Variants in ATP2C1 observed in about 807,000 individuals in gnomAD.
ATP2C1 encodes calcium-transporting ATPase type 2C member 1.
In ATP2C1, 31 loss-of-function variants were observed where a neutral mutation model predicts 120.5. The observed-to-expected ratio is 0.26, with a 90% CI of 0.19 to 0.35. The LOEUF (loss-of-function observed/expected upper bound fraction) is 0.35, where lower values mean the gene tolerates loss of function less well. ATP2C1 is among the 10% of genes least tolerant of loss of function. The pLI is 1.00. For missense variants in ATP2C1, 731 were observed against 1,107.5 expected (o/e 0.66, Z 4.83); for synonymous variants, 351 against 358.7 (o/e 0.98, Z 0.24).
intron 26 of ATP2C1, chr3:131,015,987 C>CA (rs777789460): frequency 1.1e-6 from 1 of 893,798 alleles, no homozygotes; most frequent in South Asian, 1.5e-5. Flanking sequence ...TCCAGCTCTT[C>CA]AGCTGTAACA....
At position 130,934,724 on chromosome 3, in the gene ATP2C1, T is replaced by A. The variant is rs759054987; in HGVS notation, c.324+13T>A. 2.6e-6 allele frequency: 4 copies of A among 1,534,338 alleles called. No individual in the cohort carries two copies. The highest frequency in any genetic ancestry group is 3.6e-6 in the Non-Finnish European group (4 of 1,108,210). ...CAGTATCACTGTGGTAAGAAAAAAATTACATATTTTTAATCTGTTGAGTAA... is the reference window on the plus strand; with the variant it reads ...CAGTATCACTGTGGTAAGAAAAAAAATACATATTTTTAATCTGTTGAGTAA... On this transcript the variant is annotated intron_variant, in intron 5 of 27. Coordinates refer to ENST00000510168, the MANE Select transcript of ATP2C1 (RefSeq NM_001378687.1).
chr3:131,009,352 T>C (rs1470545373), intron 26 of ATP2C1, among the ~76,000 whole-genome samples: 1 of 152,176 alleles, frequency 6.6e-6, no homozygotes, highest in Non-Finnish European at 1.5e-5. Flanking sequence ...TATACATAAA[T>C]ATAAAAATAT....
chr3:130,953,920 G>A lies in ATP2C1; in HGVS notation c.631G>A (p.Ala211Thr). ...GCCAGCTGCAACTAATGGAGATCTT[G>A]CATCGAGAAGTAACATTGCCTTTAT... ...PQPAATNGDL[A>T]SRSNIAFMGT... The change falls in exon 9 of 28, where the codon GCA becomes ACA. Residue 211 changes from alanine to threonine, a missense_variant. By Grantham distance (58) the Ala-to-Thr change is moderately conservative. Transcript: ENST00000510168. The A allele has an allele frequency of 6.2e-7, 1 of 1,614,068 alleles. No individual in the cohort carries two copies. The highest frequency in any genetic ancestry group is 8.5e-7 in the Non-Finnish European group (1 of 1,179,970).
intron 13 of ATP2C1, 68 bp downstream of exon 13, chr3:130,964,163 G>A (rs537930663): frequency 1.3e-6 from 2 of 1,548,208 alleles, no homozygotes; most frequent in African/African-American, 1.3e-5. Context: ...AATCATCTCA[G>A]AGTTTTACAG....
upstream of ATP2C1, among the ~76,000 whole-genome samples, chr3:130,893,113 TTA>T (rs1473640632): frequency 1.3e-5 from 2 of 152,178 alleles, no homozygotes; most frequent in African/African-American, 2.4e-5. Context: ...CTGTTCAACA[TTA>T]TATGTCTGGC....
chr3:131,007,149 A>C (rs2063146986), downstream of ATP2C1, among the ~76,000 whole-genome samples: 1 of 152,218 alleles, frequency 6.6e-6, no homozygotes, highest in African/African-American at 2.4e-5. Flanking sequence ...AAGTGAAAAC[A>C]ATTATTTGAG....
chr3:130,949,757 G>C (rs541504708), intron 8 of ATP2C1, among the ~76,000 whole-genome samples: 1 of 114,890 alleles, frequency 8.7e-6, no homozygotes, highest in East Asian at 2.1e-4. Context: ...GTTTGGCTTT[G>C]AGTGTTAGTA....
At chr3:130,953,747 G>T (rs2060468601) in intron 8 of ATP2C1, 74 bp from the exon 9 acceptor site, 1 of 1,489,358 alleles carries the variant, frequency 6.7e-7, no homozygotes, top group Admixed American at 1.7e-5. Context: ...AGGAAGAAGT[G>T]ATGATGGTTA....
At position 130,932,150 on chromosome 3, in the gene ATP2C1, T is replaced by C. The variant is rs766034532; in HGVS notation, c.234+12T>C. 15 of 1,430,712 alleles carry C rather than the reference T, an allele frequency of 1.0e-5. No individual in the cohort carries two copies. The highest frequency in any genetic ancestry group is 1.4e-5 in the Non-Finnish European group (14 of 1,013,110). The allele number at this position is 1,430,712 out of a possible 1,614,324, so 88.6% of individuals were successfully genotyped here. A position where few individuals can be genotyped will look rare whatever the true frequency, so the allele number is the denominator to read the frequency against. On this transcript the variant is annotated intron_variant, in intron 4 of 27. Coordinates refer to ENST00000510168, the MANE Select transcript of ATP2C1 (RefSeq NM_001378687.1). Reference sequence around the variant, plus strand: ...AGTATATTTCTCAGGTGAGATACTTTTACTTCCTCTTCTACTGTGTAATTT... The same window carrying C: ...AGTATATTTCTCAGGTGAGATACTTCTACTTCCTCTTCTACTGTGTAATTT...
intron 8 of ATP2C1, among the ~76,000 whole-genome samples, chr3:130,942,327 T>C (rs1240935680): frequency 6.6e-6 from 1 of 152,208 alleles, no homozygotes; most frequent in African/African-American, 2.4e-5. Flanking sequence ...GGTTAGGAGT[T>C]ACCTTTTGAG....
intron 2 of ATP2C1, among the ~76,000 whole-genome samples, chr3:130,920,988 G>T (rs971232925): frequency 2.6e-5 from 4 of 151,042 alleles, no homozygotes; most frequent in Non-Finnish European, 5.9e-5. Flanking sequence ...AAACATTACT[G>T]ATTTTTATAT....
chr3:130,874,214 G>A (rs1393858519), intron 1 of ATP2C1, among the ~76,000 whole-genome samples: 1 of 151,898 alleles, frequency 6.6e-6, no homozygotes, highest in Non-Finnish European at 1.5e-5. Context: ...CAATGTTTAA[G>A]AATAAAATAC....
At chr3:130,915,962 C>A (rs1177511107) in intron 2 of ATP2C1, among the ~76,000 whole-genome samples, 1 of 152,104 alleles carries the variant, frequency 6.6e-6, no homozygotes, top group Non-Finnish European at 1.5e-5. Flanking sequence ...GATTAGCCAT[C>A]CTTATATGTG....
At position 130,989,669 on chromosome 3, in the gene ATP2C1, A is replaced by G. The variant is rs562350546; in HGVS notation, c.1840-3282A>G. On this transcript the variant is annotated intron_variant, in intron 20 of 27. Coordinates refer to ENST00000510168, the MANE Select transcript of ATP2C1 (RefSeq NM_001378687.1). ...CTCTATGGAGTGTACTTTTGCTTCA[A>G]TAAGTTTGTACTTCTGTTGCTTCGT... 9.2e-5 allele frequency among the ~76,000 whole-genome samples: 14 copies of G among 151,472 alleles called. No individual in the cohort carries two copies. The South Asian group carries it at 2.1e-3, about 23-fold the overall frequency.
chr3:130,921,417 G>A (rs1480084255), intron 2 of ATP2C1, among the ~76,000 whole-genome samples: 1 of 151,988 alleles, frequency 6.6e-6, no homozygotes, highest in Non-Finnish European at 1.5e-5. Flanking sequence ...TTTCTGATTT[G>A]GATGTATTTT....
At chr3:130,980,377 C>G (rs2061703658) in intron 19 of ATP2C1, among the ~76,000 whole-genome samples, 1 of 151,948 alleles carries the variant, frequency 6.6e-6, no homozygotes. Context: ...CGTGGCCAGC[C>G]TTGAAAATTC....
chr3:130,915,160 C>A (rs1051543340), intron 2 of ATP2C1, among the ~76,000 whole-genome samples: 24 of 151,508 alleles, frequency 1.6e-4, no homozygotes, highest in Non-Finnish European at 2.8e-4. Context: ...ATGGCGTGAT[C>A]TTGGCTCACT....
chr3:130,905,482 A>G (rs1169467496), intron 2 of ATP2C1, among the ~76,000 whole-genome samples: 1 of 152,112 alleles, frequency 6.6e-6, no homozygotes, highest in Admixed American at 6.6e-5. Flanking sequence ...GTAGTTTTAG[A>G]ATTAGTGACC....
intron 17 of ATP2C1, among the ~76,000 whole-genome samples, chr3:130,973,217 A>G (rs2061407472): frequency 6.6e-6 from 1 of 152,196 alleles, no homozygotes; most frequent in African/African-American, 2.4e-5. Flanking sequence ...AAAAGACTTT[A>G]GCATCTAGAA....
Sources: gnomAD v4.1 joint callset for allele counts (sites outside exome capture counted in the v4.1 genomes callset) on GRCh38, gnomAD v4.1.1 for gene constraint, MANE v1.5 for transcripts, NCBI Gene and HGNC (gene_info 2026-07-23, HGNC 2026-07-21) for gene names.